The following SLC6A15 variants were observed in gnomAD, a reference collection of about 807,000 sequenced individuals.
SLC6A15 encodes solute carrier family 6 member 15.
A neutral mutation model predicts 68.5 loss-of-function variants in SLC6A15; 33 were observed. The observed-to-expected ratio is 0.48, with a 90% CI of 0.37 to 0.64. The LOEUF is 0.64. Among genes scored for constraint, SLC6A15 ranks in the 30% least tolerant of loss-of-function variants. The pLI is 0.00. For synonymous variants in SLC6A15, 347 were observed against 301.0 expected (o/e 1.15, Z -1.58); for missense variants, 747 against 874.3 (o/e 0.85, Z 1.84).
At chr12:84,880,245 A>G (rs2120615813) in intron 5 of SLC6A15, among the ~76,000 whole-genome samples, 1 of 152,324 alleles carries the variant, frequency 6.6e-6, no homozygotes, top group Admixed American at 6.5e-5. Context: ...CATGATTTAA[A>G]AAGATGTGTC....
At chr12:84,905,603 A>T (rs907981928) in intron 1 of SLC6A15, among the ~76,000 whole-genome samples, 1 of 152,208 alleles carries the variant, frequency 6.6e-6, no homozygotes, top group Admixed American at 6.5e-5. Flanking sequence ...TGTCCAAGGG[A>T]CATTGTTGAA....
chr12:84,876,024 T>C (rs1871520610), intron 6 of SLC6A15, among the ~76,000 whole-genome samples: 1 of 151,708 alleles, frequency 6.6e-6, no homozygotes, highest in Non-Finnish European at 1.5e-5. Context: ...TTAATCTTAT[T>C]TTAGGGTCCA....
At chr12:84,864,537 C>A (rs1247419086) in intron 10 of SLC6A15, among the ~76,000 whole-genome samples, 1 of 152,044 alleles carries the variant, frequency 6.6e-6, no homozygotes. Context: ...TCAGACTGCT[C>A]TCGATCTCCT....
intron 6 of SLC6A15, 92 bp downstream of exon 6, chr12:84,876,405 A>G (rs1871543718): frequency 2.8e-6 from 2 of 719,304 alleles, no homozygotes; most frequent in Non-Finnish European, 4.5e-6. Flanking sequence ...CATACATTAG[A>G]ACAATTATTC....
chr12:84,867,461 G>A, intron 9 of SLC6A15: 1 of 219,000 alleles, frequency 4.6e-6, no homozygotes, highest in Non-Finnish European at 8.9e-6. Flanking sequence ...AATAATAAAT[G>A]AGTCAAAGTT....
At chr12:84,886,971 C>G (rs992422766) in intron 2 of SLC6A15, among the ~76,000 whole-genome samples, 4 of 150,790 alleles carry the variant, frequency 2.7e-5, no homozygotes, top group African/African-American at 1.0e-4. Flanking sequence ...GAGACAGGCT[C>G]TCACTCTGTC....
intron 1 of SLC6A15, among the ~76,000 whole-genome samples, chr12:84,903,444 A>G (rs1473500273): frequency 1.3e-5 from 2 of 152,170 alleles, no homozygotes; most frequent in South Asian, 4.1e-4. Context: ...AATAAAAAAA[A>G]TTACTTCAAA....
intron 10 of SLC6A15, among the ~76,000 whole-genome samples, chr12:84,863,967 T>A (rs1218119290): frequency 6.6e-6 from 1 of 151,126 alleles, no homozygotes; most frequent in African/African-American, 2.4e-5. Context: ...ACTGCTTAAA[T>A]ATTATTAAGA....
intron 1 of SLC6A15, among the ~76,000 whole-genome samples, chr12:84,909,486 G>C (rs1167272282): frequency 6.6e-6 from 1 of 152,080 alleles, no homozygotes. Flanking sequence ...ATCAAAAATT[G>C]TTTAGTAAAG....
At chr12:84,909,164 C>T (rs553448721) in intron 1 of SLC6A15, among the ~76,000 whole-genome samples, 14 of 152,126 alleles carry the variant, frequency 9.2e-5, no homozygotes, top group Non-Finnish European at 1.8e-4. Context: ...TGCCCGCTTT[C>T]TTCTACTGTC....
At chr12:84,879,575 C>T (rs1007256381) in intron 5 of SLC6A15, among the ~76,000 whole-genome samples, 1 of 151,822 alleles carries the variant, frequency 6.6e-6, no homozygotes, top group Non-Finnish European at 1.5e-5. Context: ...ATCCACCCGC[C>T]TCGGCCTCCA....
At chr12:84,899,691 CATCT>C (rs1187666972) in intron 1 of SLC6A15, among the ~76,000 whole-genome samples, 3 of 152,104 alleles carry the variant, frequency 2.0e-5, no homozygotes. Context: ...TATTTCCATT[CATCT>C]ATCTATGTAT....
chr12:84,888,940 T>C (rs1477181496), intron 2 of SLC6A15, among the ~76,000 whole-genome samples: 1 of 152,086 alleles, frequency 6.6e-6, no homozygotes, highest in African/African-American at 2.4e-5. Flanking sequence ...AGGTGGGTCA[T>C]AGAAACTAGA....
chr12:84,876,650 A>AT, intron 5 of SLC6A15, 43 bp from the exon 6 acceptor site: 1 of 889,712 alleles, frequency 1.1e-6, no homozygotes, highest in Admixed American at 2.5e-5. Flanking sequence ...TACAATGACC[A>AT]TTTTTTTATA....
chr12:84,904,224 G>GAGAGAGAGAGA (rs1555183254), intron 1 of SLC6A15, among the ~76,000 whole-genome samples: 5 of 122,014 alleles, frequency 4.1e-5, no homozygotes, highest in African/African-American at 1.1e-4. Flanking sequence ...GGGCGGAGGG[G>GAGAGAGAGAGA]GAGAGAGAGA....
At chr12:84,882,475 C>T (rs1466306678) in intron 5 of SLC6A15, 3 of 940,086 alleles carry the variant, frequency 3.2e-6, no homozygotes, top group South Asian at 4.9e-5. Context: ...GTAAAATCAG[C>T]TACAATTTAC....
rs1592595778 is a variant in SLC6A15, at chr12:84,872,727, T to C, written c.1177A>G (p.Ile393Val). The change falls in exon 8 of 12, where the codon ATC becomes GTC. Residue 393 changes from isoleucine to valine, a missense_variant. Transcript: ENST00000266682. The part of the protein sequence containing the change: ...NISQDIIPHH[I>V]NLSTVTAEDY... ...TCTGCAGTAACAGTTGAAAGGTTGATATGATGGGGAATAATATCCTGACTA... is the reference window on the plus strand; with the variant it reads ...TCTGCAGTAACAGTTGAAAGGTTGACATGATGGGGAATAATATCCTGACTA... 1 of 1,613,274 alleles carries C rather than the reference T, an allele frequency of 6.2e-7. No homozygotes were observed. Among genetic ancestry groups the C allele is most frequent in the Non-Finnish European group, 8.5e-7 (1 of 1,179,726 alleles).
intron 1 of SLC6A15, among the ~76,000 whole-genome samples, chr12:84,905,533 G>A (rs921814099): frequency 6.6e-6 from 1 of 152,172 alleles, no homozygotes; most frequent in African/African-American, 2.4e-5. Flanking sequence ...ATTCAACATA[G>A]TATTGGAAGT....
chr12:84,876,760 G>A (rs1436487493), intron 5 of SLC6A15, among the ~76,000 whole-genome samples, 153 bp from the exon 6 acceptor site: 1 of 152,052 alleles, frequency 6.6e-6, no homozygotes, highest in Non-Finnish European at 1.5e-5. Context: ...TTTTAAGAAT[G>A]GTTTATGAGT....
Sources: gnomAD v4.1 joint callset for allele counts (sites outside exome capture counted in the v4.1 genomes callset) on GRCh38, gnomAD v4.1.1 for gene constraint, MANE v1.5 for transcripts, NCBI Gene and HGNC (gene_info 2026-07-23, HGNC 2026-07-21) for gene names.